RCSD1: variants seen among roughly 807,000 people sequenced by gnomAD.
RCSD1 encodes capZ-interacting protein.
Under a neutral mutation model 42.5 loss-of-function variants are expected in RCSD1, and 26 were observed. The ratio of observed to expected loss-of-function variants is 0.61; its 90% CI spans 0.45 to 0.85. RCSD1 has a LOEUF of 0.85. RCSD1 is among the 40% of genes least tolerant of loss of function. The pLI is 0.00. For synonymous variants in RCSD1, 220 were observed against 212.2 expected (o/e 1.04, Z -0.32); for missense variants, 571 against 528.3 (o/e 1.08, Z -0.79).
intron 1 of RCSD1, among the ~76,000 whole-genome samples, chr1:167,635,550 G>A (rs964370338): frequency 6.6e-6 from 1 of 152,238 alleles, no homozygotes; most frequent in Non-Finnish European, 1.5e-5. Flanking sequence ...AGCTTGGCGC[G>A]CGCGGTTCCG....
At chr1:167,674,092 C>A (rs778713551) in intron 1 of RCSD1, among the ~76,000 whole-genome samples, 2 of 152,210 alleles carry the variant, frequency 1.3e-5, no homozygotes, top group Admixed American at 1.3e-4. Flanking sequence ...ATCTTTACAT[C>A]CCCACATCTG....
chr1:167,694,456 CT>C, intron 5 of RCSD1, among the ~76,000 whole-genome samples, 154 bp downstream of exon 5: 1 of 152,320 alleles, frequency 6.6e-6, no homozygotes, highest in Admixed American at 6.5e-5. Flanking sequence ...TTCTCCTCTC[CT>C]TTGCAAATGA....
chr1:167,630,695 G>C (rs1225181211), intron 1 of RCSD1: 1 of 134,946 alleles, frequency 7.4e-6, no homozygotes, highest in African/African-American at 3.0e-5. Context: ...TAGAGGCCCG[G>C]GTATTTTGGC....
chr1:167,694,564 G>A (rs1024732655), intron 5 of RCSD1, among the ~76,000 whole-genome samples: 1 of 152,142 alleles, frequency 6.6e-6, no homozygotes, highest in Admixed American at 6.5e-5. Context: ...GGGGGATGGC[G>A]TGCTCTCTCC....
intron 6 of RCSD1, among the ~76,000 whole-genome samples, chr1:167,699,770 T>C (rs572740699): frequency 1.6e-4 from 24 of 152,330 alleles, no homozygotes; most frequent in African/African-American, 5.8e-4. Flanking sequence ...GTTCTTCCAA[T>C]ACAGCAAGCT....
chr1:167,692,846 A>G (rs182541970), intron 4 of RCSD1, among the ~76,000 whole-genome samples: 61 of 152,322 alleles, frequency 4.0e-4, no homozygotes, highest in Non-Finnish European at 5.4e-4. Context: ...TAAAGTATAC[A>G]TAGGAGTTCT....
At chr1:167,680,337 G>C (rs1450821552) in intron 1 of RCSD1, among the ~76,000 whole-genome samples, 2 of 152,102 alleles carry the variant, frequency 1.3e-5, no homozygotes, top group Non-Finnish European at 1.5e-5. Context: ...CCATGGGGGT[G>C]AGTTGAGGGT....
intron 1 of RCSD1, chr1:167,633,586 G>C (rs1050402063): frequency 5.9e-5 from 9 of 152,186 alleles, no homozygotes; most frequent in African/African-American, 1.9e-4. Context: ...GTTACTTTTT[G>C]TTCATACAAA....
chr1:167,660,441 C>A (rs1342683575), intron 1 of RCSD1, among the ~76,000 whole-genome samples: 1 of 152,046 alleles, frequency 6.6e-6, no homozygotes, highest in Non-Finnish European at 1.5e-5. Context: ...AGAGTTACAA[C>A]CTCTATACCA....
intron 1 of RCSD1, among the ~76,000 whole-genome samples, chr1:167,644,975 C>A (rs936392870): frequency 1.3e-5 from 2 of 152,242 alleles, no homozygotes; most frequent in Non-Finnish European, 2.9e-5. Flanking sequence ...GCAGGTTGAA[C>A]TACCTTGCCC....
intron 1 of RCSD1, among the ~76,000 whole-genome samples, chr1:167,680,378 C>T (rs1659049467): frequency 6.6e-6 from 1 of 151,918 alleles, no homozygotes; most frequent in African/African-American, 2.4e-5. Flanking sequence ...GTACCCAGGC[C>T]CTGACACCAG....
chr1:167,688,840 T>C (rs1179119175), intron 3 of RCSD1, among the ~76,000 whole-genome samples: 4 of 152,166 alleles, frequency 2.6e-5, no homozygotes, highest in African/African-American at 9.7e-5. Flanking sequence ...GTCTCCACAC[T>C]ATGGGGAGAT....
intron 1 of RCSD1, among the ~76,000 whole-genome samples, chr1:167,670,735 C>T (rs1448399039): frequency 6.6e-6 from 1 of 152,140 alleles, no homozygotes; most frequent in African/African-American, 2.4e-5. Flanking sequence ...CCCTCGGCTC[C>T]CCCTCTCTGT....
chr1:167,652,381 A>C (rs1658333518), intron 1 of RCSD1, among the ~76,000 whole-genome samples: 1 of 152,032 alleles, frequency 6.6e-6, no homozygotes. Context: ...TAGCCTGGAG[A>C]GGATTTAAGT....
chr1:167,635,351 T>C (rs545626326), intron 1 of RCSD1, among the ~76,000 whole-genome samples: 1 of 152,204 alleles, frequency 6.6e-6, no homozygotes, highest in African/African-American at 2.4e-5. Context: ...ACCCTCACCC[T>C]CACACTGGCC....
chr1:167,702,291 G>GA (rs1659662505), intron 6 of RCSD1, among the ~76,000 whole-genome samples: 1 of 152,210 alleles, frequency 6.6e-6, no homozygotes, highest in Non-Finnish European at 1.5e-5. Flanking sequence ...GCACTATAAA[G>GA]GGTCACCTTA....
At chr1:167,703,935 T>G (rs1659699757) in intron 6 of RCSD1, among the ~76,000 whole-genome samples, 1 of 152,130 alleles carries the variant, frequency 6.6e-6, no homozygotes, top group Admixed American at 6.5e-5. Context: ...AAGCCTTTTC[T>G]GATTGCTCTG....
chr1:167,662,845 G>C (rs1229375), intron 1 of RCSD1, among the ~76,000 whole-genome samples: 31,975 of 151,994 alleles, frequency 0.21, 3,514 homozygotes, highest in Non-Finnish European at 0.24. Flanking sequence ...CGAGTTTCTT[G>C]CGATTCTGCC....
chr1:167,655,620 T>TG (rs774064434), intron 1 of RCSD1, among the ~76,000 whole-genome samples: 7 of 152,148 alleles, frequency 4.6e-5, no homozygotes, highest in African/African-American at 1.7e-4. Flanking sequence ...CCAGTCACCC[T>TG]GGGGGGCAAG....
Sources: allele counts gnomAD v4.1 joint callset (sites outside exome capture counted in the v4.1 genomes callset), GRCh38; gene constraint gnomAD v4.1.1; transcripts MANE v1.5; gene names NCBI Gene and HGNC (gene_info 2026-07-23, HGNC 2026-07-21).